RCC1L: variants seen among roughly 807,000 people sequenced by gnomAD.
RCC1L encodes RCC1 like.
RCC1L carries 46 observed loss-of-function variants against 58.6 expected under a neutral mutation model. The ratio of observed to expected loss-of-function variants is 0.79; its 90% CI spans 0.62 to 1.00. RCC1L has a LOEUF of 1.00. Among genes scored for constraint, RCC1L ranks in the 50% least tolerant of loss-of-function variants. The probability of loss-of-function intolerance (pLI) is 0.00; values close to 1 mark genes in which losing one functional copy is unlikely to be tolerated. For synonymous variants in RCC1L, 281 were observed against 262.9 expected, an observed-to-expected ratio of 1.07 and a Z score of -0.67; for missense variants, 636 against 623.6, an observed-to-expected ratio of 1.02 and a Z score of -0.21.
chr7:75,058,775 A>G lies in RCC1L; in HGVS notation c.788-6T>C. ...GATATTGTAGTGACCCAGACCTAACACAGTGGAAAATACAGATTTTTAATT... is the reference window on the plus strand; with the variant it reads ...GATATTGTAGTGACCCAGACCTAACGCAGTGGAAAATACAGATTTTTAATT... On this transcript the variant is annotated splice_polypyrimidine_tract_variant and splice_region_variant and intron_variant, in intron 6 of 10. Transcript: ENST00000610322. The G allele has an allele frequency of 1.2e-6, 2 of 1,613,932 alleles. No homozygotes were observed.
intron 10 of RCC1L, among the ~76,000 whole-genome samples, chr7:75,030,539 G>A (rs903646718): frequency 3.9e-5 from 6 of 152,154 alleles, no homozygotes; most frequent in African/African-American, 7.2e-5. Context: ...TGAGGTTGCT[G>A]TTGTCTGAAA....
At chr7:75,051,474 T>C (rs1805915128) in intron 10 of RCC1L, among the ~76,000 whole-genome samples, 1 of 151,840 alleles carries the variant, frequency 6.6e-6, no homozygotes, top group Non-Finnish European at 1.5e-5. Flanking sequence ...TGCAGCAGCG[T>C]CTGATCTTGG....
intron 2 of RCC1L, among the ~76,000 whole-genome samples, chr7:75,069,744 T>C (rs1806650515): frequency 6.6e-6 from 1 of 152,026 alleles, no homozygotes; most frequent in Admixed American, 6.6e-5. Flanking sequence ...TTTATATTTT[T>C]AGTAGAGACG....
intron 10 of RCC1L, among the ~76,000 whole-genome samples, chr7:75,051,163 G>T (rs1299420658): frequency 1.4e-5 from 2 of 143,660 alleles, no homozygotes; most frequent in African/African-American, 2.5e-5. Context: ...AGCCTCCACC[G>T]ATAGTCTTGG....
chr7:75,061,381 C>T (rs1806275668), intron 5 of RCC1L, 90 bp from the exon 6 acceptor site: 27 of 1,074,304 alleles, frequency 2.5e-5, no homozygotes, highest in African/African-American at 4.7e-5. Flanking sequence ...CATCGCCTGC[C>T]GCTCCTGGGC....
chr7:75,056,703 A>G, intron 8 of RCC1L: 5 of 1,535,434 alleles, frequency 3.3e-6, no homozygotes, highest in Non-Finnish European at 3.5e-6. Context: ...CTCTAGGATG[A>G]CTCAGCTCTG....
At position 75,073,582 on chromosome 7, in the gene RCC1L, G is replaced by T; in HGVS notation, c.156C>A (p.Gly52=). Residue 52 remains glycine, a synonymous_variant, in exon 1 of 11, where the codon GGC becomes GGA. Coordinates refer to ENST00000610322, the MANE Select transcript of RCC1L (RefSeq NM_030798.5). The stretch of plus-strand genomic sequence containing the variant: ...CGCGATCGGCGCGGGCAGCGCGCTC[G>T]CCCACGTACTGGACCACGGGCACCT... ...EAEVPVVQYV[G]ERAARADRVF... is the part of the protein sequence containing the mutation. 6.6e-7 allele frequency: 1 copy of T among 1,513,314 alleles called. No individual in the cohort carries two copies. 93.7% of individuals were successfully genotyped at this position (1,513,314 alleles called of 1,614,324 possible). A position where few individuals can be genotyped will look rare whatever the true frequency, so the allele number is the denominator to read the frequency against.
downstream of RCC1L, among the ~76,000 whole-genome samples, chr7:75,040,128 G>A (rs1005479487): frequency 3.9e-5 from 6 of 152,154 alleles, no homozygotes; most frequent in Non-Finnish European, 5.9e-5. Flanking sequence ...ACCGAAGGAC[G>A]TCCCTGCTTC....
intron 10 of RCC1L, among the ~76,000 whole-genome samples, chr7:75,028,850 T>C (rs1805217392): frequency 6.6e-6 from 1 of 152,170 alleles, no homozygotes; most frequent in South Asian, 2.1e-4. Context: ...CCCTGGTAGC[T>C]TCCCCTCCCC....
At chr7:75,040,993 G>A (rs995472740), downstream of RCC1L, among the ~76,000 whole-genome samples, 1,835 of 152,028 alleles carry the variant, frequency 0.012, 25 homozygotes, top group Middle Eastern at 0.059. Context: ...CAAGGTGAGC[G>A]GATCACCTGA....
At position 75,070,671 on chromosome 7, in the gene RCC1L, C is replaced by G. The variant is rs1554445934; in HGVS notation, c.423G>C (p.Gln141His). The change falls in exon 2 of 11, where the codon CAG (glutamine) becomes CAC (histidine). Residue 141 changes from glutamine (Q) to histidine (H), a missense_variant. Physicochemically the swap from Gln to His is conservative, Grantham distance 24 (BLOSUM62 0). Transcript: ENST00000610322. ...VWGMGLNKDS[Q>H]LGFHRSRKDK... ...CTTTCCGGCTCCTGTGAAATCCAAG[C>G]TGAGAATCTTTGTTGAGTCCCATCC... is the stretch of plus-strand genomic sequence containing the variant. 1.2e-6 allele frequency: 2 copies of G among 1,614,108 alleles called. No homozygotes were observed. The highest frequency in any genetic ancestry group is 1.7e-6 in the Non-Finnish European group (2 of 1,180,014).
chr7:75,032,440 T>C (rs1805328285), intron 10 of RCC1L, among the ~76,000 whole-genome samples: 2 of 152,198 alleles, frequency 1.3e-5, no homozygotes. Context: ...TACTGCCCTC[T>C]TGGTAGGCGG....
At chr7:75,067,946 T>C (rs782704282) in intron 2 of RCC1L, among the ~76,000 whole-genome samples, 13 of 152,168 alleles carry the variant, frequency 8.5e-5, no homozygotes, top group Non-Finnish European at 1.5e-4. Context: ...GAGTTGATGA[T>C]GCCTGAAGCT....
At chr7:75,045,678 G>A (rs1805698029) in intron 10 of RCC1L, among the ~76,000 whole-genome samples, 1 of 152,184 alleles carries the variant, frequency 6.6e-6, no homozygotes, top group Non-Finnish European at 1.5e-5. Flanking sequence ...ACCATGCCCA[G>A]CTAATTTTTG....
At chr7:75,058,507 A>G (rs1806154715) in intron 7 of RCC1L, 81 bp downstream of exon 7, 13 of 1,510,972 alleles carry the variant, frequency 8.6e-6, no homozygotes, top group Non-Finnish European at 1.2e-5. Flanking sequence ...CTGGGATTAC[A>G]GGTGTGAGCC....
chr7:75,067,475 C>T (rs1806540524), intron 2 of RCC1L, among the ~76,000 whole-genome samples: 1 of 151,560 alleles, frequency 6.6e-6, no homozygotes, highest in Non-Finnish European at 1.5e-5. Context: ...ACTAAAAATA[C>T]AAAATTAGCC....
Position 75,057,938 on chromosome 7 carries a change from A to G in RCC1L, c.970-322T>C, listed in dbSNP as rs1294596035. ...TCTGGGAGGCGGAGGCAGGTGGATC[A>G]CTTGAGGTCAGGAGTTCGAGACCAG... is the stretch of plus-strand genomic sequence containing the variant. On this transcript the variant is annotated intron_variant, in intron 7 of 10. Transcript: ENST00000610322. 16 of 366,242 alleles carry G rather than the reference A, an allele frequency of 4.4e-5. No individual in the cohort carries two copies. In the Admixed American group the frequency reaches 4.9e-4, roughly 11 times the overall value. The allele number at this position is 366,242 out of a possible 1,614,324, so 22.7% of individuals were successfully genotyped here. A position where few individuals can be genotyped will look rare whatever the true frequency, so the allele number is the denominator to read the frequency against.
At chr7:75,072,712 G>A (rs1287188707) in intron 1 of RCC1L, among the ~76,000 whole-genome samples, 1 of 152,180 alleles carries the variant, frequency 6.6e-6, no homozygotes, top group Non-Finnish European at 1.5e-5. Flanking sequence ...AGGCACAGTG[G>A]CTCACGCCTG....
chr7:75,067,925 G>A (rs781839524), intron 2 of RCC1L, among the ~76,000 whole-genome samples: 14 of 152,228 alleles, frequency 9.2e-5, no homozygotes, highest in Middle Eastern at 3.4e-3. Context: ...TGAAGAAAAC[G>A]AGACTGGCAT....
Sources: gnomAD v4.1 joint callset for allele counts (sites outside exome capture counted in the v4.1 genomes callset) on GRCh38, gnomAD v4.1.1 for gene constraint, MANE v1.5 for transcripts, NCBI Gene and HGNC (gene_info 2026-07-23, HGNC 2026-07-21) for gene names.